Variants in EMCN observed in about 807,000 individuals in gnomAD.
EMCN encodes the protein endomucin.
Under a neutral mutation model 38.4 loss-of-function variants are expected in EMCN, and 37 were observed. That is an observed-to-expected ratio of 0.96 (90% CI 0.74 to 1.27). The LOEUF is 1.27. Among genes scored for constraint, EMCN ranks in the 50% most tolerant of loss-of-function variants. The pLI is 0.00. For synonymous variants in EMCN, 95 were observed against 100.8 expected, an observed-to-expected ratio of 0.94 and a Z score of 0.35; for missense variants, 318 against 302.8, an observed-to-expected ratio of 1.05 and a Z score of -0.37.
At chr4:100,490,980 T>C (rs1729063010) in intron 1 of EMCN, among the ~76,000 whole-genome samples, 1 of 152,220 alleles carries the variant, frequency 6.6e-6, no homozygotes, top group Non-Finnish European at 1.5e-5. Context: ...GAAATGTCTC[T>C]TTAGTTCTCT....
chr4:100,484,616 C>T (rs1236448626), intron 1 of EMCN, among the ~76,000 whole-genome samples: 5 of 152,090 alleles, frequency 3.3e-5, no homozygotes, highest in Admixed American at 6.6e-5. Flanking sequence ...CTCTTTGGGA[C>T]GGCGGATCAC....
chr4:100,475,658 C>CATTTTTTTTTTTTTTT lies in EMCN; in HGVS notation c.188-550_188-549insAAAAAAAAAAAAAAAT, dbSNP rs1728617733. On this transcript the variant is annotated intron_variant, in intron 2 of 11. Transcript: ENST00000296420. ...CTTGAGGGCAGTATCCAATTCTAGT[C>CATTTTTTTTTTTTTTT]CTTTTTTTTTTTTTTTTTTTTTTTT... is the stretch of plus-strand genomic sequence containing the variant. Among the ~76,000 whole-genome samples, 10 of 108,092 alleles carry CATTTTTTTTTTTTTTT rather than the reference C, an allele frequency of 9.3e-5. 3 individuals are homozygous for CATTTTTTTTTTTTTTT. Among genetic ancestry groups the CATTTTTTTTTTTTTTT allele is most frequent in the South Asian group, 6.0e-4 (2 of 3,320 alleles). 70.9% of individuals were successfully genotyped at this position (108,092 alleles called of 152,430 possible).
intron 1 of EMCN, among the ~76,000 whole-genome samples, chr4:100,512,506 C>T (rs932041012): frequency 9.2e-5 from 14 of 152,206 alleles, no homozygotes; most frequent in East Asian, 3.9e-4. Context: ...TTGAAAGTTA[C>T]TTAAATTCCT....
intron 1 of EMCN, among the ~76,000 whole-genome samples, chr4:100,488,984 AT>A (rs1250815620): frequency 6.6e-6 from 1 of 152,232 alleles, no homozygotes; most frequent in Non-Finnish European, 1.5e-5. Flanking sequence ...ACATATAACA[AT>A]AATTACTTTT....
chr4:100,413,630 A>G (rs1053312642), intron 10 of EMCN, among the ~76,000 whole-genome samples: 3 of 152,210 alleles, frequency 2.0e-5, no homozygotes, highest in Non-Finnish European at 2.9e-5. Flanking sequence ...TATATTTTAG[A>G]TGATAAATTC....
intron 1 of EMCN, among the ~76,000 whole-genome samples, chr4:100,502,343 A>C (rs1729372325): frequency 1.3e-5 from 2 of 152,186 alleles, no homozygotes; most frequent in Non-Finnish European, 2.9e-5. Context: ...TTTTATTGGT[A>C]CAATTGCAGG....
chr4:100,439,491 G>T (rs770766787), intron 5 of EMCN, among the ~76,000 whole-genome samples: 1 of 150,156 alleles, frequency 6.7e-6, no homozygotes, highest in Non-Finnish European at 1.5e-5. Context: ...CATTTTTTTC[G>T]CTTTAATTTA....
chr4:100,463,880 T>G (rs1335344749), intron 4 of EMCN, among the ~76,000 whole-genome samples: 3 of 152,112 alleles, frequency 2.0e-5, no homozygotes, highest in African/African-American at 7.2e-5. Context: ...TTCAAAAGTG[T>G]TTTGACTATT....
chr4:100,445,731 G>C (rs1469878068), intron 5 of EMCN, among the ~76,000 whole-genome samples: 1 of 152,034 alleles, frequency 6.6e-6, no homozygotes, highest in African/African-American at 2.4e-5. Flanking sequence ...AAAACCAGAA[G>C]TATAAAGAAT....
At chr4:100,463,184 A>C (rs990816568) in intron 4 of EMCN, among the ~76,000 whole-genome samples, 2 of 152,162 alleles carry the variant, frequency 1.3e-5, no homozygotes, top group African/African-American at 4.8e-5. Context: ...TGGGAGTTCT[A>C]GCTTCTACTT....
chr4:100,507,217 T>C (rs1463332437), intron 1 of EMCN, among the ~76,000 whole-genome samples: 3 of 152,154 alleles, frequency 2.0e-5, no homozygotes, highest in African/African-American at 7.2e-5. Flanking sequence ...GATTTTATAA[T>C]GATTAGGAGA....
intron 3 of EMCN, among the ~76,000 whole-genome samples, chr4:100,468,837 A>T (rs570270550): frequency 7.9e-5 from 12 of 152,104 alleles, no homozygotes; most frequent in Admixed American, 3.9e-4. Context: ...ATAGATTTTT[A>T]AAAATCCCTA....
chr4:100,449,091 T>C lies in EMCN; in HGVS notation c.377-1520A>G, dbSNP rs1411184212. ...AGATTTCTTATCTTGTTCAGAGAAGTGATTCCAGTGCTTACCAGTAGAAAC... is the reference window on the plus strand; with the variant it reads ...AGATTTCTTATCTTGTTCAGAGAAGCGATTCCAGTGCTTACCAGTAGAAAC... On this transcript the variant is annotated intron_variant, in intron 4 of 11. Transcript: ENST00000296420. Among the ~76,000 whole-genome samples, 9 of 152,066 alleles carry C rather than the reference T, an allele frequency of 5.9e-5. No homozygotes were observed. In the East Asian group the frequency reaches 1.7e-3, roughly 29 times the overall value.
intron 5 of EMCN, among the ~76,000 whole-genome samples, chr4:100,426,482 G>A (rs1440592991): frequency 6.6e-6 from 1 of 152,044 alleles, no homozygotes; most frequent in East Asian, 1.9e-4. Context: ...TTTCAGTCTG[G>A]TGGCTCTTCT....
At chr4:100,486,992 A>T (rs997595381) in intron 1 of EMCN, 2 of 985,122 alleles carry the variant, frequency 2.0e-6, no homozygotes, top group African/African-American at 3.5e-5. Flanking sequence ...GAGTCATTTT[A>T]TATATTATAG....
At chr4:100,501,656 T>C (rs1303796466) in intron 1 of EMCN, among the ~76,000 whole-genome samples, 4 of 152,154 alleles carry the variant, frequency 2.6e-5, no homozygotes, top group Admixed American at 2.6e-4. Context: ...TTTCTTTAAC[T>C]TTTCAATAAA....
chr4:100,484,367 G>A (rs963251591), intron 1 of EMCN, among the ~76,000 whole-genome samples: 2 of 152,046 alleles, frequency 1.3e-5, no homozygotes, highest in African/African-American at 4.8e-5. Context: ...TAATTACAAA[G>A]CATGTCTAAT....
intron 1 of EMCN, among the ~76,000 whole-genome samples, chr4:100,487,825 TC>T (rs1159592286): frequency 6.6e-6 from 1 of 152,210 alleles, no homozygotes; most frequent in Non-Finnish European, 1.5e-5. Context: ...AAACCTCTTT[TC>T]TTTATAAATT....
chr4:100,401,500 C>T (rs1032498729), intron 11 of EMCN, among the ~76,000 whole-genome samples: 2 of 152,078 alleles, frequency 1.3e-5, no homozygotes, highest in Non-Finnish European at 2.9e-5. Context: ...ATCAATCTTC[C>T]ACCTCCATGA....
Sources: allele counts gnomAD v4.1 joint callset (sites outside exome capture counted in the v4.1 genomes callset), GRCh38; gene constraint gnomAD v4.1.1; transcripts MANE v1.5; gene names NCBI Gene and HGNC (gene_info 2026-07-23, HGNC 2026-07-21).